The following FRMD4A variants were observed in gnomAD, a reference collection of about 807,000 sequenced individuals.
The protein encoded by FRMD4A is FERM domain-containing protein 4A.
In FRMD4A, 29 loss-of-function variants were observed where a neutral mutation model predicts 129.1. The observed-to-expected ratio is 0.22, with a 90% confidence interval of 0.17 to 0.31. FRMD4A has a LOEUF of 0.31. Among genes scored for constraint, FRMD4A ranks in the 10% least tolerant of loss-of-function variants. The probability of loss-of-function intolerance (pLI) is 1.00; values close to 1 mark genes in which losing one functional copy is unlikely to be tolerated. For synonymous variants in FRMD4A, 634 were observed against 571.6 expected (o/e 1.11, Z -1.56); for missense variants, 1,272 against 1,375.8 (o/e 0.92, Z 1.19).
intron 2 of FRMD4A, among the ~76,000 whole-genome samples, chr10:13,921,558 G>A (rs900632519): frequency 2.0e-5 from 3 of 152,142 alleles, no homozygotes; most frequent in African/African-American, 7.2e-5. Context: ...ACCATGTCTG[G>A]GCTGGTGCCT....
intron 6 of FRMD4A, among the ~76,000 whole-genome samples, chr10:13,779,772 A>G (rs905814944): frequency 7.5e-5 from 10 of 133,246 alleles, no homozygotes; most frequent in Non-Finnish European, 1.5e-4. Flanking sequence ...CAATAAACTT[A>G]TGCAAAATTC....
chr10:13,811,352 C>T (rs1197117017), intron 3 of FRMD4A, among the ~76,000 whole-genome samples: 1 of 149,220 alleles, frequency 6.7e-6, no homozygotes, highest in African/African-American at 2.5e-5. Context: ...AGGCTGGTCT[C>T]TAACTCCTGG....
At chr10:13,868,798 C>CA (rs1378178158) in intron 2 of FRMD4A, among the ~76,000 whole-genome samples, 1 of 151,756 alleles carries the variant, frequency 6.6e-6, no homozygotes, top group East Asian at 1.9e-4. Flanking sequence ...GATCCTGTCT[C>CA]AAAAAACAAA....
chr10:14,306,492 A>G (rs573158151), intron 2 of FRMD4A, among the ~76,000 whole-genome samples: 6 of 152,208 alleles, frequency 3.9e-5, no homozygotes, highest in Non-Finnish European at 8.8e-5. Flanking sequence ...AATCTTTTTA[A>G]TGCTCGTTTC....
At chr10:13,753,491 G>GT (rs1362106862) in intron 8 of FRMD4A, among the ~76,000 whole-genome samples, 1 of 150,132 alleles carries the variant, frequency 6.7e-6, no homozygotes, top group Non-Finnish European at 1.5e-5. Flanking sequence ...TTTACCAACT[G>GT]TTTGTTGGGG....
intron 2 of FRMD4A, among the ~76,000 whole-genome samples, chr10:13,903,060 C>T (rs779722837): frequency 1.7e-4 from 26 of 152,234 alleles, no homozygotes; most frequent in South Asian, 8.3e-4. Flanking sequence ...GTTGTCTTTA[C>T]GCTTGTGCTA....
intron 19 of FRMD4A, among the ~76,000 whole-genome samples, chr10:13,661,484 A>C (rs1381684750): frequency 6.6e-6 from 1 of 152,210 alleles, no homozygotes; most frequent in Non-Finnish European, 1.5e-5. Context: ...AGCTCTGGCC[A>C]GCACAGCCGC....
At chr10:14,154,569 A>G (rs1840505243) in intron 2 of FRMD4A, among the ~76,000 whole-genome samples, 1 of 152,246 alleles carries the variant, frequency 6.6e-6, no homozygotes, top group Non-Finnish European at 1.5e-5. Flanking sequence ...TTACGTAACT[A>G]GAAAGTCAAA....
At chr10:13,706,519 AAC>A (rs1253476719) in intron 13 of FRMD4A, among the ~76,000 whole-genome samples, 2 of 152,246 alleles carry the variant, frequency 1.3e-5, no homozygotes, top group Admixed American at 1.3e-4. Flanking sequence ...CCACAATACT[AAC>A]ATCCTAAAAT....
intron 4 of FRMD4A, among the ~76,000 whole-genome samples, chr10:13,797,495 C>G (rs74121692): frequency 0.037 from 5,578 of 152,198 alleles, 304 homozygotes; most frequent in African/African-American, 0.12. Context: ...GTCTTAGTGT[C>G]CTGTGAGTGG....
chr10:14,316,599 C>A (rs77891215), intron 2 of FRMD4A, among the ~76,000 whole-genome samples: 1 of 151,258 alleles, frequency 6.6e-6, no homozygotes, highest in South Asian at 2.1e-4. Flanking sequence ...GGAAAGTGAC[C>A]TGAGTTGGTC....
intron 2 of FRMD4A, among the ~76,000 whole-genome samples, chr10:14,195,285 A>G (rs1483336029): frequency 6.6e-6 from 1 of 152,198 alleles, no homozygotes; most frequent in Non-Finnish European, 1.5e-5. Flanking sequence ...TGGGGCAAGA[A>G]CCAGAAACCG....
intron 12 of FRMD4A, among the ~76,000 whole-genome samples, chr10:13,708,323 G>C (rs1489819967): frequency 6.6e-6 from 1 of 152,150 alleles, no homozygotes; most frequent in African/African-American, 2.4e-5. Context: ...GTCTTCCCAG[G>C]CTGGGGACAC....
chr10:13,729,423 G>A (rs554221605), intron 12 of FRMD4A: 1 of 152,344 alleles, frequency 6.6e-6, no homozygotes, highest in Admixed American at 6.5e-5. Flanking sequence ...CGATAAATCC[G>A]CGGCGCACTC....
chr10:13,841,137 G>A (rs538868685), intron 3 of FRMD4A, among the ~76,000 whole-genome samples: 9 of 152,174 alleles, frequency 5.9e-5, no homozygotes, highest in East Asian at 5.8e-4. Flanking sequence ...ATTAAAAAGT[G>A]GTCTAATGTT....
intron 23 of FRMD4A, chr10:13,652,745 G>A (rs74121365): frequency 0.048 from 7,277 of 152,270 alleles, 494 homozygotes; most frequent in African/African-American, 0.14. Flanking sequence ...TCGTTCAGTG[G>A]TTGTCAAAAC....
chr10:13,767,925 C>A (rs575538020), intron 6 of FRMD4A, among the ~76,000 whole-genome samples: 103 of 152,204 alleles, frequency 6.8e-4, no homozygotes, highest in South Asian at 1.9e-3. Context: ...AAGCCCAGGG[C>A]GATGCTGGCA....
chr10:13,728,773 C>T (rs186221561), intron 12 of FRMD4A, among the ~76,000 whole-genome samples: 1,579 of 151,754 alleles, frequency 0.01, 35 homozygotes, highest in African/African-American at 0.035. Context: ...GGTTTTATCA[C>T]GTTGGCCAGG....
At chr10:14,172,266 AT>A (rs1449208673) in intron 2 of FRMD4A, among the ~76,000 whole-genome samples, 1 of 152,218 alleles carries the variant, frequency 6.6e-6, no homozygotes, top group Non-Finnish European at 1.5e-5. Context: ...TCTATTTGCT[AT>A]GTAGAGATTT....
Sources: gnomAD v4.1 joint callset for allele counts (sites outside exome capture counted in the v4.1 genomes callset) on GRCh38, gnomAD v4.1.1 for gene constraint, MANE v1.5 for transcripts, NCBI Gene and HGNC (gene_info 2026-07-23, HGNC 2026-07-21) for gene names.